DUOXA2: variants seen among roughly 807,000 people sequenced by gnomAD.
DUOXA2 encodes the protein dual oxidase maturation factor 2.
In DUOXA2, 22 loss-of-function variants were observed where a neutral mutation model predicts 27.6. The ratio of observed to expected loss-of-function variants is 0.80; its 90% CI spans 0.57 to 1.14. The LOEUF is 1.14. Among genes scored for constraint, DUOXA2 ranks in the 50% most tolerant of loss-of-function variants. The pLI is 0.00. For synonymous variants in DUOXA2, 188 were observed against 184.4 expected (o/e 1.02, Z -0.16); for missense variants, 481 against 419.9 (o/e 1.15, Z -1.27).
Position 45,117,763 on chromosome 15 carries a change from G to A in DUOXA2, c.817G>A (p.Val273Ile), listed in dbSNP as rs764235764. Reference sequence around the variant, plus strand: ...AGGGGCCGTGGTGAGTCTCCAGTATGTTCGGCCCAGCGCTCTTCGCACCCT... The same window carrying A: ...AGGGGCCGTGGTGAGTCTCCAGTATATTCGGCCCAGCGCTCTTCGCACCCT... ...LGGAVVSLQY[V>I]RPSALRTLLD... Residue 273 changes from valine (V) to isoleucine (I), a missense_variant, in exon 6 of 6, where the codon GTT (valine) becomes ATT (isoleucine). Transcript: ENST00000323030. 1.1e-5 allele frequency: 18 copies of A among 1,613,686 alleles called. No individual in the cohort carries two copies. The East Asian group carries it at 4.0e-4, about 36-fold the overall frequency.
chr15:45,118,063 G>C lies in DUOXA2; in HGVS notation c.*154G>C. On this transcript the variant is annotated 3_prime_UTR_variant, in exon 6 of 6. Transcript: ENST00000323030. ...CGCAGGCACCAGGGAAAGTCTCCTG[G>C]GGCGATCTGTAAATAAACCTTTTTT... is the stretch of plus-strand genomic sequence containing the variant. The C allele has an allele frequency of 1.3e-6, 2 of 1,555,530 alleles. No homozygotes were observed. The highest frequency in any genetic ancestry group is 1.7e-6 in the Non-Finnish European group (2 of 1,152,740).
rs763366208 is a variant in DUOXA2 at position 45,117,712 on chromosome 15, A to T, written c.770-4A>T. ...CTCCTTTCTTTCGATCCCCACCGCC[A>T]CAGGCGTCCTGTGCCTCTTCCTCGG... On this transcript the variant is annotated splice_polypyrimidine_tract_variant and splice_region_variant and intron_variant, in intron 5 of 5. Coordinates refer to ENST00000323030, the MANE Select transcript of DUOXA2 (RefSeq NM_207581.4). 3.1e-6 allele frequency: 5 copies of T among 1,613,514 alleles called. No individual in the cohort carries two copies. Among genetic ancestry groups the T allele is most frequent in the Non-Finnish European group, 4.2e-6 (5 of 1,179,578 alleles).
At chr15:45,114,783 G>C (rs755975201) in intron 1 of DUOXA2, 31 bp downstream of exon 1, 9 of 1,613,938 alleles carry the variant, frequency 5.6e-6, no homozygotes, top group Non-Finnish European at 7.6e-6. Context: ...CAGGTAGAGT[G>C]GGGGAAGGCT....
At chr15:45,117,658 T>C (rs779012088) in intron 5 of DUOXA2, 58 bp from the exon 6 acceptor site, 2 of 1,613,816 alleles carry the variant, frequency 1.2e-6, no homozygotes, top group South Asian at 2.2e-5. Context: ...GAGACCAGCC[T>C]GGGCAACATA....
Position 45,114,675 on chromosome 15 carries a change from C to T in DUOXA2, c.70C>T (p.Leu24=). The change falls in exon 1 of 6, where the codon CTG becomes TTG. Residue 24 remains leucine (L), a synonymous_variant. Transcript: ENST00000323030. ...PRHAAGFSVP[L]LIVILVFLAL... ...GCATGCCGCAGGCTTCAGCGTTCCA[C>T]TGCTCATCGTTATTCTAGTGTTTTT... 6.2e-7 allele frequency: 1 copy of T among 1,614,246 alleles called. No homozygotes were observed. Among genetic ancestry groups the T allele is most frequent in the Non-Finnish European group, 8.5e-7 (1 of 1,180,048 alleles).
At chr15:45,117,033 G>T in intron 4 of DUOXA2, 58 bp from the exon 5 acceptor site, 1 of 1,564,028 alleles carries the variant, frequency 6.4e-7, no homozygotes, top group East Asian at 2.3e-5. Context: ...CGCAGCTGTG[G>T]GAACCCCGGT....
chr15:45,117,246 T>C lies in DUOXA2; in HGVS notation c.710T>C (p.Leu237Pro), dbSNP rs1163832934. The C allele has an allele frequency of 6.2e-7, 1 of 1,610,354 alleles. No individual in the cohort carries two copies. The highest frequency in any genetic ancestry group is 8.5e-7 in the Non-Finnish European group (1 of 1,179,252). Reference sequence around the variant, plus strand: ...AGCGTGCCGCTCTGCCCGCTCCGCCTAGGCTCCTCCGCGCTCACCACTCAG... The same window carrying C: ...AGCGTGCCGCTCTGCCCGCTCCGCCCAGGCTCCTCCGCGCTCACCACTCAG... ...ISSVPLCPLR[L>P]GSSALTTQYG... The change falls in exon 5 of 6, where the codon CTA becomes CCA. Residue 237 changes from leucine (L) to proline (P), a missense_variant. Physicochemically the swap from Leu to Pro is moderately conservative, Grantham distance 98 (BLOSUM62 -3). Transcript: ENST00000323030.
chr15:45,116,973 G>A (rs2141167011), intron 4 of DUOXA2, 118 bp from the exon 5 acceptor site: 1 of 1,281,010 alleles, frequency 7.8e-7, no homozygotes, highest in Non-Finnish European at 1.1e-6. Flanking sequence ...CCCCTGCACC[G>A]CTGCCATCCC....
chr15:45,115,600 G>A (rs1241100619), intron 1 of DUOXA2, 199 bp from the exon 2 acceptor site: 1 of 715,704 alleles, frequency 1.4e-6, no homozygotes, highest in Non-Finnish European at 2.5e-6. Context: ...ATGGGAAATG[G>A]GGCTAGGGAG....
intron 1 of DUOXA2, 28 bp downstream of exon 1, chr15:45,114,780 A>C (rs373073571): frequency 1.9e-6 from 3 of 1,614,084 alleles, no homozygotes; most frequent in Non-Finnish European, 2.5e-6. Flanking sequence ...GTGCAGGTAG[A>C]GTGGGGGAAG....
intron 2 of DUOXA2, 34 bp from the exon 3 acceptor site, chr15:45,116,090 T>C: frequency 9.1e-7 from 1 of 1,097,404 alleles, no homozygotes; most frequent in Non-Finnish European, 1.3e-6. Context: ...TTTCCCACCC[T>C]CATCCCACCC....
chr15:45,116,333 G>A (rs1595533709), intron 3 of DUOXA2, 75 bp downstream of exon 3: 2 of 1,598,894 alleles, frequency 1.3e-6, no homozygotes, highest in Non-Finnish European at 1.7e-6. Context: ...GGGATAGCTG[G>A]AGGGCCTCTC....
In DUOXA2 at chr15:45,117,094, G is replaced by GGC; in HGVS notation, c.560_561dup (p.Phe188ArgfsTer25). On this transcript the variant is annotated frameshift_variant, in exon 5 of 6. Coordinates refer to ENST00000323030, the MANE Select transcript of DUOXA2 (RefSeq NM_207581.4). LOFTEE classifies it high-confidence loss of function. ...GGGTCCCCCCACTCCCCGGCAGGGT[G>GGC]GCGTTCTGCTTCTGGCTCCTCTCCA... The GGC allele has an allele frequency of 6.3e-7, 1 of 1,598,842 alleles. No homozygotes were observed. Among genetic ancestry groups the GGC allele is most frequent in the Non-Finnish European group, 8.5e-7 (1 of 1,179,822 alleles).
chr15:45,116,936 A>C, intron 4 of DUOXA2, 155 bp from the exon 5 acceptor site: 3 of 1,086,424 alleles, frequency 2.8e-6, no homozygotes, highest in Non-Finnish European at 4.0e-6. Flanking sequence ...CCTGGACCTC[A>C]GGAGCCCGCT....
chr15:45,114,598 C>T lies in DUOXA2; in HGVS notation c.-8C>T. The T allele has an allele frequency of 6.2e-7, 1 of 1,613,672 alleles. No homozygotes were observed. The highest frequency in any genetic ancestry group is 8.5e-7 in the Non-Finnish European group (1 of 1,179,958). ...CCGCCTGCGTGCAGCACTCGGCCGG[C>T]GTGCAGCATGACCCTGTGGAACGGC... On this transcript the variant is annotated 5_prime_UTR_variant, in exon 1 of 6. Transcript: ENST00000323030.
intron 2 of DUOXA2, 22 bp downstream of exon 2, chr15:45,115,878 T>C (rs780845181): frequency 9.3e-6 from 15 of 1,613,792 alleles, no homozygotes; most frequent in Non-Finnish European, 1.2e-5. Context: ...GTGCAGCCCA[T>C]GGGGAGAGGA....
chr15:45,117,397 TC>T (rs1264773125), intron 5 of DUOXA2, 92 bp downstream of exon 5: 2 of 1,504,348 alleles, frequency 1.3e-6, no homozygotes, highest in Admixed American at 4.2e-5. Flanking sequence ...TGAATTCACA[TC>T]TATTACCCTA....
At chr15:45,117,340 G>A in intron 5 of DUOXA2, 35 bp downstream of exon 5, 2 of 1,547,042 alleles carry the variant, frequency 1.3e-6, no homozygotes, top group Non-Finnish European at 1.7e-6. Flanking sequence ...GGGGGCTAAG[G>A]GTGGAGACAG....
At chr15:45,115,213 C>T (rs1353676163) in intron 1 of DUOXA2, among the ~76,000 whole-genome samples, 1 of 152,222 alleles carries the variant, frequency 6.6e-6, no homozygotes, top group Non-Finnish European at 1.5e-5. Context: ...GACTGAGACT[C>T]CCACATTGGA....
Sources: allele counts gnomAD v4.1 joint callset (sites outside exome capture counted in the v4.1 genomes callset), GRCh38; gene constraint gnomAD v4.1.1; transcripts MANE v1.5; gene names NCBI Gene and HGNC (gene_info 2026-07-23, HGNC 2026-07-21).